OSBP2: variants seen among roughly 807,000 people sequenced by gnomAD.
The protein encoded by OSBP2 is oxysterol-binding protein 2.
A neutral mutation model predicts 96.0 loss-of-function variants in OSBP2; 66 were observed. That is an observed-to-expected ratio of 0.69 (90% CI 0.56 to 0.84). OSBP2 has a LOEUF of 0.84. OSBP2 is among the 40% of genes least tolerant of loss of function. OSBP2 has a pLI of 0.00. For synonymous variants in OSBP2, 525 were observed against 520.9 expected, an observed-to-expected ratio of 1.01 and a Z score of -0.11; for missense variants, 1,038 against 1,222.7, an observed-to-expected ratio of 0.85 and a Z score of 2.25.
At chr22:30,814,460 TCTCA>T (rs1380186580) in intron 2 of OSBP2, among the ~76,000 whole-genome samples, 5 of 147,434 alleles carry the variant, frequency 3.4e-5, no homozygotes, top group African/African-American at 1.3e-4. Context: ...TAAGATGGAG[TCTCA>T]CTCTGTCACC....
intron 2 of OSBP2, among the ~76,000 whole-genome samples, chr22:30,847,713 T>C (rs574582008): frequency 1.1e-4 from 17 of 152,216 alleles, no homozygotes; most frequent in Non-Finnish European, 1.9e-4. Flanking sequence ...AGTTTTGGTA[T>C]GTTTGTATTT....
intron 2 of OSBP2, among the ~76,000 whole-genome samples, chr22:30,795,247 A>G (rs897054328): frequency 2.0e-5 from 3 of 152,088 alleles, no homozygotes; most frequent in African/African-American, 4.8e-5. Context: ...GGCTTTGACT[A>G]TGATGTGTAT....
chr22:30,746,861 CAAGAA>C (rs1253498577), intron 2 of OSBP2, among the ~76,000 whole-genome samples: 1 of 152,030 alleles, frequency 6.6e-6, no homozygotes, highest in Non-Finnish European at 1.5e-5. Flanking sequence ...AAAGACGTCA[CAAGAA>C]AAGAAAAGTA....
At chr22:30,906,090 C>T (rs1223665313) in intron 13 of OSBP2, 21 bp downstream of exon 13, 21 of 1,579,630 alleles carry the variant, frequency 1.3e-5, no homozygotes, top group Non-Finnish European at 1.7e-5. Context: ...GCGGGAAGGG[C>T]GCCCCGGAGG....
At chr22:30,858,688 G>A (rs1410098857) in intron 2 of OSBP2, among the ~76,000 whole-genome samples, 1 of 151,324 alleles carries the variant, frequency 6.6e-6, no homozygotes, top group African/African-American at 2.4e-5. Flanking sequence ...AGACCAGCCT[G>A]GCCAGCATGG....
At chr22:30,833,772 C>T (rs773028560) in intron 2 of OSBP2, among the ~76,000 whole-genome samples, 2 of 152,176 alleles carry the variant, frequency 1.3e-5, no homozygotes, top group Non-Finnish European at 2.9e-5. Context: ...TCTTGCAGGT[C>T]TGGGACTTCA....
chr22:30,810,097 T>A (rs1220544928), intron 2 of OSBP2, among the ~76,000 whole-genome samples: 5 of 152,076 alleles, frequency 3.3e-5, no homozygotes, highest in African/African-American at 1.2e-4. Flanking sequence ...TGGGGAAATG[T>A]GAATGGGGGA....
At chr22:30,801,580 G>A (rs953888410) in intron 2 of OSBP2, among the ~76,000 whole-genome samples, 2 of 152,178 alleles carry the variant, frequency 1.3e-5, no homozygotes, top group Non-Finnish European at 2.9e-5. Context: ...CATTCTATTC[G>A]ATCTTTCTCC....
Position 30,906,464 on chromosome 22 carries a change from A to ATT in OSBP2, c.*134_*135dup, listed in dbSNP as rs376066257. ...CCCAGCCCTTCCTATTTCCTTTCCT[A>ATT]TTTTTTTTTTCTCCCCACACTTTCT... On this transcript the variant is annotated 3_prime_UTR_variant, in exon 14 of 14. Coordinates refer to ENST00000332585, the MANE Select transcript of OSBP2 (RefSeq NM_030758.4). 2.0e-4 allele frequency: 215 copies of ATT among 1,083,346 alleles called. No homozygotes were observed. The highest frequency in any genetic ancestry group is 2.3e-4 in the Non-Finnish European group (189 of 821,536). 67.1% of individuals were successfully genotyped at this position (1,083,346 alleles called of 1,614,324 possible).
intron 2 of OSBP2, among the ~76,000 whole-genome samples, chr22:30,835,424 G>A (rs1026849811): frequency 8.5e-5 from 13 of 152,088 alleles, no homozygotes; most frequent in Admixed American, 2.0e-4. Context: ...CACCCTTGTT[G>A]AAAATCAGTC....
In OSBP2 at chr22:30,906,431, A is replaced by G; in HGVS notation, c.*92A>G. ...TTTAGTACTGAATGGTCTTTCTCCC[A>G]GCCCATTCCCAGCCCTTCCTATTTC... is the stretch of plus-strand genomic sequence containing the variant. On this transcript the variant is annotated 3_prime_UTR_variant, in exon 14 of 14. Transcript: ENST00000332585. 7.2e-7 allele frequency: 1 copy of G among 1,388,074 alleles called. No individual in the cohort carries two copies. The highest frequency in any genetic ancestry group is 9.6e-7 in the Non-Finnish European group (1 of 1,043,326). 86.0% of individuals were successfully genotyped at this position (1,388,074 alleles called of 1,614,324 possible).
chr22:30,741,488 A>G (rs999821668), intron 2 of OSBP2, 119 bp downstream of exon 2: 1 of 760,096 alleles, frequency 1.3e-6, no homozygotes, highest in Admixed American at 2.4e-5. Flanking sequence ...GCGTGGATCA[A>G]TCTGGAAGGT....
In OSBP2 at chr22:30,881,396, C is replaced by T. The variant is rs2039698971; in HGVS notation, c.1108-6030C>T. ...TGCAGGGCCCAGGTACCACCTCCAG[C>T]TCCCACTAGGACCCCTCACTCTCTT... is the stretch of plus-strand genomic sequence containing the variant. On this transcript the variant is annotated intron_variant, in intron 3 of 13. Transcript: ENST00000332585. The surrounding 1 kb of genome is among the most constrained non-coding windows in gnomAD (Gnocchi z 4.5). Among the ~76,000 whole-genome samples, 1 of 152,180 alleles carries T rather than the reference C, an allele frequency of 6.6e-6. No individual in the cohort carries two copies. The highest frequency in any genetic ancestry group is 2.1e-4 in the South Asian group (1 of 4,828).
At chr22:30,819,212 A>G (rs1008499204) in intron 2 of OSBP2, among the ~76,000 whole-genome samples, 2 of 152,188 alleles carry the variant, frequency 1.3e-5, no homozygotes, top group African/African-American at 4.8e-5. Context: ...GTGCATGCCT[A>G]TAATCTCAGC....
At chr22:30,716,019 G>C (rs1448905681) in intron 1 of OSBP2, among the ~76,000 whole-genome samples, 2 of 146,946 alleles carry the variant, frequency 1.4e-5, no homozygotes, top group Non-Finnish European at 3.0e-5. Context: ...CCAACCACAA[G>C]CATCTTTTCT....
At chr22:30,749,654 C>G (rs1049230278) in intron 2 of OSBP2, among the ~76,000 whole-genome samples, 2 of 152,106 alleles carry the variant, frequency 1.3e-5, no homozygotes, top group African/African-American at 2.4e-5. Flanking sequence ...GTCACCCAGA[C>G]TGGAGTGCAG....
intron 2 of OSBP2, among the ~76,000 whole-genome samples, chr22:30,787,515 A>G (rs921260801): frequency 6.6e-6 from 1 of 152,106 alleles, no homozygotes; most frequent in Non-Finnish European, 1.5e-5. Flanking sequence ...TCAACTAAAA[A>G]TACAAAAATT....
intron 3 of OSBP2, among the ~76,000 whole-genome samples, chr22:30,873,655 G>A (rs1249005818): frequency 2.0e-5 from 3 of 152,280 alleles, no homozygotes; most frequent in Non-Finnish European, 2.9e-5. Context: ...ATCCCCTAGC[G>A]CCCGTGCCTG....
chr22:30,850,149 CAA>C, intron 2 of OSBP2, among the ~76,000 whole-genome samples: 1 of 151,602 alleles, frequency 6.6e-6, no homozygotes, highest in South Asian at 2.1e-4. Context: ...ACTAAAAATA[CAA>C]AAAAATTAGC....
Sources: gnomAD v4.1 joint callset for allele counts (sites outside exome capture counted in the v4.1 genomes callset) on GRCh38, gnomAD v4.1.1 for gene constraint, Gnocchi (gnomAD v3.1) non-coding constraint, MANE v1.5 for transcripts, NCBI Gene and HGNC (gene_info 2026-07-23, HGNC 2026-07-21) for gene names.